The following WWOX variants were observed in gnomAD, a reference collection of about 807,000 sequenced individuals.
WWOX encodes the protein WW domain-containing oxidoreductase.
In WWOX, 69 loss-of-function variants were observed where a neutral mutation model predicts 46.2. The ratio of observed to expected loss-of-function variants is 1.49; its 90% CI spans 1.23 to 1.82. The LOEUF is 1.82. WWOX is among the 40% of genes most tolerant of loss of function. The pLI is 0.00. For synonymous variants in WWOX, 359 were observed against 202.6 expected (o/e 1.77, Z -6.56); for missense variants, 919 against 542.6 (o/e 1.69, Z -6.89).
chr16:78,737,805 A>G (rs767687204), intron 8 of WWOX, among the ~76,000 whole-genome samples: 5 of 152,148 alleles, frequency 3.3e-5, no homozygotes, highest in Non-Finnish European at 7.3e-5. Context: ...GAGTGTTTGC[A>G]GAAGAGAAGC....
chr16:78,191,719 A>G (rs2035889215), intron 5 of WWOX, among the ~76,000 whole-genome samples: 1 of 152,144 alleles, frequency 6.6e-6, no homozygotes, highest in South Asian at 2.1e-4. Flanking sequence ...GATCCTCGGA[A>G]GAGATTCTTA....
At chr16:78,895,735 C>G (rs1438549207) in intron 8 of WWOX, 14 of 152,174 alleles carry the variant, frequency 9.2e-5, no homozygotes, top group Non-Finnish European at 1.9e-4. Flanking sequence ...TTGAGGAACG[C>G]AAGACTTAAA....
At chr16:79,072,069 G>A (rs1355140657) in intron 8 of WWOX, among the ~76,000 whole-genome samples, 1 of 152,128 alleles carries the variant, frequency 6.6e-6, no homozygotes, top group African/African-American at 2.4e-5. Context: ...GATTGCTTGA[G>A]TCTAGGAGTT....
chr16:78,111,427 A>G (rs1302116732), intron 3 of WWOX, among the ~76,000 whole-genome samples: 2 of 152,190 alleles, frequency 1.3e-5, no homozygotes, highest in African/African-American at 4.8e-5. Flanking sequence ...CTCAGGTGCT[A>G]AAGGGACATT....
intron 5 of WWOX, among the ~76,000 whole-genome samples, chr16:78,226,723 C>T (rs534589108): frequency 2.0e-5 from 3 of 152,092 alleles, no homozygotes; most frequent in Non-Finnish European, 2.9e-5. Context: ...TAATAGACGC[C>T]GGCATGGCTA....
intron 8 of WWOX, among the ~76,000 whole-genome samples, chr16:78,963,988 G>T (rs1434276594): frequency 2.0e-5 from 3 of 152,172 alleles, no homozygotes; most frequent in Admixed American, 2.0e-4. Flanking sequence ...CCACCACCAT[G>T]TAAGAAGTGC....
At chr16:78,704,111 A>T (rs1390069383) in intron 8 of WWOX, among the ~76,000 whole-genome samples, 1 of 151,058 alleles carries the variant, frequency 6.6e-6, no homozygotes. Flanking sequence ...CCAGCACGTC[A>T]TGGTGGAAAG....
chr16:78,832,934 G>A (rs1277033932), intron 8 of WWOX, among the ~76,000 whole-genome samples: 2 of 151,856 alleles, frequency 1.3e-5, no homozygotes, highest in Non-Finnish European at 2.9e-5. Context: ...TTCTTTAAAG[G>A]ATTTCTGCCA....
intron 8 of WWOX, among the ~76,000 whole-genome samples, chr16:78,953,005 T>G (rs147389361): frequency 7.3e-5 from 11 of 151,044 alleles, no homozygotes; most frequent in African/African-American, 2.7e-4. Flanking sequence ...TTTCTCTGAT[T>G]TGTGGTTATT....
chr16:78,411,010 C>T (rs937747260), intron 6 of WWOX, among the ~76,000 whole-genome samples: 1 of 152,118 alleles, frequency 6.6e-6, no homozygotes, highest in Admixed American at 6.5e-5. Context: ...GTTGATAACA[C>T]AGCAGTTAGC....
chr16:78,809,464 A>C (rs950754816), intron 8 of WWOX, among the ~76,000 whole-genome samples: 1 of 152,130 alleles, frequency 6.6e-6, no homozygotes, highest in Admixed American at 6.5e-5. Flanking sequence ...TTTCAGGTTA[A>C]TATTAAAGTT....
intron 5 of WWOX, among the ~76,000 whole-genome samples, chr16:78,322,037 C>T (rs951943963): frequency 1.3e-5 from 2 of 152,146 alleles, no homozygotes; most frequent in African/African-American, 4.8e-5. Flanking sequence ...TGGACAGACC[C>T]AAATGTTTTG....
chr16:78,183,683 A>C (rs1017529609), intron 5 of WWOX, among the ~76,000 whole-genome samples: 1 of 152,150 alleles, frequency 6.6e-6, no homozygotes, highest in Non-Finnish European at 1.5e-5. Context: ...AAATCTCCTG[A>C]ATACCACCCC....
chr16:78,194,413 C>G (rs1259466786), intron 5 of WWOX, among the ~76,000 whole-genome samples: 2 of 151,412 alleles, frequency 1.3e-5, no homozygotes, highest in Non-Finnish European at 2.9e-5. Context: ...CATGGTGGAA[C>G]CATGTTTCTA....
rs1567657327 is a variant in WWOX, at chr16:78,578,271, TATA to T, written c.1056+145520_1056+145522del. On this transcript the variant is annotated intron_variant, in intron 8 of 8. Coordinates refer to ENST00000566780, the MANE Select transcript of WWOX (RefSeq NM_016373.4). ...ACCAAATTTTATATATATATATATA[TATA>T]TATATATATATTTTTTTTTTTTTTT... is the stretch of plus-strand genomic sequence containing the variant. 8.9e-5 allele frequency among the ~76,000 whole-genome samples: 3 copies of T among 33,766 alleles called. No homozygotes were observed. The East Asian group carries it at 1.9e-3, about 22-fold the overall frequency. The allele number at this position is 33,766 out of a possible 152,430, so 22.2% of individuals were successfully genotyped here.
chr16:78,506,596 C>A (rs1391054671), intron 8 of WWOX: 1 of 151,382 alleles, frequency 6.6e-6, no homozygotes, highest in Non-Finnish European at 1.5e-5. Flanking sequence ...GGAGTGGAGG[C>A]TGTTCAAAGT....
chr16:78,206,411 G>A (rs1161470321), intron 5 of WWOX, among the ~76,000 whole-genome samples: 1 of 152,116 alleles, frequency 6.6e-6, no homozygotes, highest in South Asian at 2.1e-4. Context: ...AAGTACCTTG[G>A]TATTTTAGGG....
intron 8 of WWOX, among the ~76,000 whole-genome samples, chr16:79,062,834 T>C (rs1171291123): frequency 2.0e-5 from 3 of 152,152 alleles, no homozygotes; most frequent in Non-Finnish European, 4.4e-5. Flanking sequence ...GTATTTCCAT[T>C]ATAAATGTCG....
At chr16:78,789,696 A>G (rs2050545879) in intron 8 of WWOX, among the ~76,000 whole-genome samples, 1 of 152,234 alleles carries the variant, frequency 6.6e-6, no homozygotes, top group Non-Finnish European at 1.5e-5. Context: ...GGCAGTGTTC[A>G]ATAACTGGCT....
Sources: gnomAD v4.1 joint callset for allele counts (sites outside exome capture counted in the v4.1 genomes callset) on GRCh38, gnomAD v4.1.1 for gene constraint, MANE v1.5 for transcripts, NCBI Gene and HGNC (gene_info 2026-07-23, HGNC 2026-07-21) for gene names.